ZBTB18: variants seen among roughly 807,000 people sequenced by gnomAD.
The protein encoded by ZBTB18 is zinc finger and BTB domain-containing protein 18.
A neutral mutation model predicts 37.7 loss-of-function variants in ZBTB18; 2 were observed. The observed-to-expected ratio is 0.05, with a 90% CI of 0.02 to 0.17. The LOEUF is 0.17. ZBTB18 is among the 10% of genes least tolerant of loss of function. The pLI is 1.00. For synonymous variants in ZBTB18, 304 were observed against 276.5 expected, an observed-to-expected ratio of 1.10 and a Z score of -0.99; for missense variants, 408 against 686.3, an observed-to-expected ratio of 0.59 and a Z score of 4.53.
rs1698472006 is a variant in ZBTB18, at chr1:244,056,499, A to G, written c.*1129A>G. On this transcript the variant is annotated 3_prime_UTR_variant, in exon 2 of 2. Transcript: ENST00000358704. Reference sequence around the variant, plus strand: ...TTTATAACAAACTTCTAATTGCACAAAACCCATGCCAGCTCAGAGTTTAGG... The same window carrying G: ...TTTATAACAAACTTCTAATTGCACAGAACCCATGCCAGCTCAGAGTTTAGG... 6.0e-6 allele frequency: 1 copy of G among 167,138 alleles called. No individual in the cohort carries two copies. The highest frequency in any genetic ancestry group is 2.1e-4 in the South Asian group (1 of 4,834). 10.4% of individuals were successfully genotyped at this position (167,138 alleles called of 1,614,324 possible). A position where few individuals can be genotyped will look rare whatever the true frequency, so the allele number is the denominator to read the frequency against.
At chr1:244,052,006 C>T (rs975918743) in intron 1 of ZBTB18, among the ~76,000 whole-genome samples, 2 of 152,182 alleles carry the variant, frequency 1.3e-5, no homozygotes, top group Non-Finnish European at 2.9e-5. Flanking sequence ...CTGGTTTCCT[C>T]ATTTCTCTTT....
rs1698396409 is a variant in ZBTB18 at position 244,053,684 on chromosome 1, A to G, written c.14-104A>G. ...ATAAGCCTGATTAAAATTCAGGGAC[A>G]TGTACCACGGCGGCCAAAGCGGAAT... On this transcript the variant is annotated intron_variant, in intron 1 of 1. Coordinates refer to ENST00000358704, the MANE Select transcript of ZBTB18 (RefSeq NM_205768.3). The surrounding 1 kb of genome is among the most constrained non-coding windows in gnomAD (Gnocchi z 5.2). 3 of 1,492,004 alleles carry G rather than the reference A, an allele frequency of 2.0e-6. No homozygotes were observed. The highest frequency in any genetic ancestry group is 2.7e-6 in the Non-Finnish European group (3 of 1,117,860). 92.4% of individuals were successfully genotyped at this position (1,492,004 alleles called of 1,614,324 possible). A position where few individuals can be genotyped will look rare whatever the true frequency, so the allele number is the denominator to read the frequency against.
intron 1 of ZBTB18, 151 bp downstream of exon 1, chr1:244,051,595 G>A: frequency 1.2e-6 from 1 of 866,564 alleles, no homozygotes. Flanking sequence ...TGAAAGTCTT[G>A]AGCTTGTTTA....
At chr1:244,051,263 T>C, upstream of ZBTB18, 1 of 622,482 alleles carries the variant, frequency 1.6e-6, no homozygotes. Context: ...CCTTTTATTC[T>C]AACACACAGA....
In ZBTB18 at chr1:244,053,912, G is replaced by C; in HGVS notation, c.138G>C (p.Ala46=). Residue 46 remains alanine (A), a synonymous_variant, in exon 2 of 2, where the codon GCG becomes GCC. Coordinates refer to ENST00000358704, the MANE Select transcript of ZBTB18 (RefSeq NM_205768.3). This position sits in a 1 kb window ranked among gnomAD's most constrained non-coding sequence, Gnocchi z 5.2. ...TGGTGGGAGATGCCCAGTTCCGAGC[G>C]CACCGAGCTGTACTGGCTTCATGCA... ...TVLVGDAQFR[A]HRAVLASCSM... The C allele has an allele frequency of 1.2e-6, 2 of 1,614,088 alleles. No homozygotes were observed. Among genetic ancestry groups the C allele is most frequent in the East Asian group, 2.2e-5 (1 of 44,876 alleles).
upstream of ZBTB18, among the ~76,000 whole-genome samples, chr1:244,049,884 G>A (rs1698314388): frequency 6.6e-6 from 1 of 152,042 alleles, no homozygotes; most frequent in Non-Finnish European, 1.5e-5. Context: ...GCGGTGCCCG[G>A]GACTCATTAA....
At chr1:244,052,802 C>T (rs1269041623) in intron 1 of ZBTB18, among the ~76,000 whole-genome samples, 1 of 151,656 alleles carries the variant, frequency 6.6e-6, no homozygotes, top group Non-Finnish European at 1.5e-5. Flanking sequence ...AAAAGGTTCT[C>T]TTTTTCTAAA....
Position 244,054,992 on chromosome 1 carries a change from C to G in ZBTB18, c.1218C>G (p.Asp406Glu). ...IHLSTHFREQ[D>E]GIRSKPAADV... ...TGAGCACGCACTTCCGCGAGCAGGA[C>G]GGCATCCGCAGCAAGCCCGCCGCCG... The change falls in exon 2 of 2, where the codon GAC becomes GAG. Residue 406 changes from aspartate (D) to glutamate (E), a missense_variant. Transcript: ENST00000358704. The surrounding 1 kb of genome is among the most constrained non-coding windows in gnomAD (Gnocchi z 9.0). 8.1e-6 allele frequency: 13 copies of G among 1,614,104 alleles called. No individual in the cohort carries two copies. The highest frequency in any genetic ancestry group is 1.1e-5 in the Non-Finnish European group (13 of 1,180,026).
upstream of ZBTB18, among the ~76,000 whole-genome samples, chr1:244,049,170 G>C (rs1198606505): frequency 1.4e-5 from 2 of 144,692 alleles, no homozygotes; most frequent in East Asian, 4.0e-4. Flanking sequence ...TGGAGCTGTT[G>C]GGGCGGCGGG....
In ZBTB18 at chr1:244,056,207, A is replaced by G. The variant is rs540991871; in HGVS notation, c.*837A>G. On this transcript the variant is annotated 3_prime_UTR_variant, in exon 2 of 2. Coordinates refer to ENST00000358704, the MANE Select transcript of ZBTB18 (RefSeq NM_205768.3). ...CAATATATTTTTTGTCTTTGTTTGCATTGTATAACTTTAACGAGTGAGTTT... is the reference window on the plus strand; with the variant it reads ...CAATATATTTTTTGTCTTTGTTTGCGTTGTATAACTTTAACGAGTGAGTTT... 6.0e-6 allele frequency: 1 copy of G among 167,070 alleles called. No individual in the cohort carries two copies. Among genetic ancestry groups the G allele is most frequent in the Non-Finnish European group, 1.5e-5 (1 of 68,110 alleles). 10.3% of individuals were successfully genotyped at this position (167,070 alleles called of 1,614,324 possible).
upstream of ZBTB18, among the ~76,000 whole-genome samples, chr1:244,049,173 G>C: frequency 6.9e-6 from 1 of 144,540 alleles, no homozygotes. Context: ...AGCTGTTGGG[G>C]CGGCGGGGGG....
At chr1:244,048,547 T>TG (rs1698277411), upstream of ZBTB18, among the ~76,000 whole-genome samples, 1 of 135,576 alleles carries the variant, frequency 7.4e-6, no homozygotes, top group Admixed American at 7.4e-5. Flanking sequence ...GGACTGAGGG[T>TG]GGGGGGAACA....
chr1:244,051,526 C>A, intron 1 of ZBTB18, 82 bp downstream of exon 1: 1 of 1,535,598 alleles, frequency 6.5e-7, no homozygotes. Context: ...CATTACTTTT[C>A]TAACCCAGTT....
upstream of ZBTB18, among the ~76,000 whole-genome samples, chr1:244,049,654 G>T (rs934673238): frequency 6.6e-6 from 1 of 152,176 alleles, no homozygotes; most frequent in Non-Finnish European, 1.5e-5. Flanking sequence ...TGCTGCACCG[G>T]CTCTGCGCCC....
upstream of ZBTB18, chr1:244,048,798 G>C (rs1698286845): frequency 1.3e-5 from 2 of 149,848 alleles, no homozygotes; most frequent in Middle Eastern, 7.2e-3. Flanking sequence ...CTGCCAGCGG[G>C]GGTGGGCGGG....
chr1:244,052,635 C>G (rs940147665), intron 1 of ZBTB18, among the ~76,000 whole-genome samples: 1 of 152,080 alleles, frequency 6.6e-6, no homozygotes, highest in South Asian at 2.1e-4. Context: ...ACATCTTTGC[C>G]TTTCTCCTCC....
chr1:244,051,340 CT>C lies in ZBTB18; in HGVS notation c.-89del. 7.1e-7 allele frequency: 1 copy of C among 1,412,248 alleles called. No individual in the cohort carries two copies. The highest frequency in any genetic ancestry group is 1.2e-5 in the South Asian group (1 of 84,508). The allele number at this position is 1,412,248 out of a possible 1,614,324, so 87.5% of individuals were successfully genotyped here. A position where few individuals can be genotyped will look rare whatever the true frequency, so the allele number is the denominator to read the frequency against. ...TCATTCCTCTCTAACATCATCTCCA[CT>C]TTGCATCTGTCTCTCTTAGTCTGCT... is the stretch of plus-strand genomic sequence containing the variant. On this transcript the variant is annotated 5_prime_UTR_variant, in exon 1 of 2. Transcript: ENST00000358704.
In ZBTB18 at chr1:244,055,086, G is replaced by A; in HGVS notation, c.1312G>A (p.Glu438Lys). Reference sequence around the variant, plus strand: ...TTGCATGTACACCCTCAAGCGCCACGAGAGGACTCACTCGGGGGAGAAGCC... The same window carrying A: ...TTGCATGTACACCCTCAAGCGCCACAAGAGGACTCACTCGGGGGAGAAGCC... ...FSCMYTLKRH[E>K]RTHSGEKPYT... Residue 438 changes from glutamate (E) to lysine (K), a missense_variant, in exon 2 of 2, where the codon GAG becomes AAG. Transcript: ENST00000358704. This position sits in a 1 kb window ranked among gnomAD's most constrained non-coding sequence, Gnocchi z 7.0. 1.2e-6 allele frequency: 2 copies of A among 1,614,206 alleles called. No individual in the cohort carries two copies. Among genetic ancestry groups the A allele is most frequent in the Non-Finnish European group, 1.7e-6 (2 of 1,180,048 alleles).
rs755773636 is a variant in ZBTB18, at chr1:244,051,456, A to G, written c.13+12A>G. 1 of 1,614,068 alleles carries G rather than the reference A, an allele frequency of 6.2e-7. No individual in the cohort carries two copies. Among genetic ancestry groups the G allele is most frequent in the South Asian group, 1.1e-5 (1 of 91,066 alleles). On this transcript the variant is annotated intron_variant, in intron 1 of 1. Transcript: ENST00000358704. ...TATGTGTCCTAAAGGTAGGAGTAGC[A>G]AGAGATTAGATTGAGCATATTTCTG...
Sources: gnomAD v4.1 joint callset for allele counts (sites outside exome capture counted in the v4.1 genomes callset) on GRCh38, gnomAD v4.1.1 for gene constraint, Gnocchi (gnomAD v3.1) non-coding constraint, MANE v1.5 for transcripts, NCBI Gene and HGNC (gene_info 2026-07-23, HGNC 2026-07-21) for gene names.